Variants in PRKN observed in about 807,000 individuals in gnomAD.
PRKN encodes the protein E3 ubiquitin-protein ligase parkin.
PRKN carries 56 observed loss-of-function variants against 59.5 expected under a neutral mutation model. The observed-to-expected ratio is 0.94, with a 90% CI of 0.76 to 1.18. The LOEUF (loss-of-function observed/expected upper bound fraction) is 1.18, where lower values mean the gene tolerates loss of function less well. Among genes scored for constraint, PRKN ranks in the 50% most tolerant of loss-of-function variants. The pLI is 0.00. For missense variants in PRKN, 657 were observed against 596.4 expected (o/e 1.10, Z -1.06); for synonymous variants, 250 against 222.1 (o/e 1.13, Z -1.12).
intron 4 of PRKN, among the ~76,000 whole-genome samples, chr6:162,098,474 G>A (rs1779836101): frequency 6.6e-6 from 1 of 152,126 alleles, no homozygotes; most frequent in Non-Finnish European, 1.5e-5. Flanking sequence ...TGGAGCCCAG[G>A]AAAAGTCTAA....
At chr6:162,339,537 G>A (rs1462453790) in intron 2 of PRKN, among the ~76,000 whole-genome samples, 8 of 146,130 alleles carry the variant, frequency 5.5e-5, no homozygotes, top group Non-Finnish European at 6.1e-5. Flanking sequence ...CCCCCGCCCG[G>A]CCAGCCGCCC....
intron 2 of PRKN, among the ~76,000 whole-genome samples, chr6:162,337,679 C>T (rs73028952): frequency 0.072 from 10,996 of 152,180 alleles, 959 homozygotes; most frequent in East Asian, 0.46. Flanking sequence ...ATCATCATTC[C>T]TCCTTGGCCC....
chr6:162,421,560 C>A (rs1788968840), intron 2 of PRKN, among the ~76,000 whole-genome samples: 1 of 152,166 alleles, frequency 6.6e-6, no homozygotes, highest in African/African-American at 2.4e-5. Flanking sequence ...CAATATGGCA[C>A]CTTCTCAATG....
At chr6:162,478,778 A>G (rs565821332) in intron 1 of PRKN, among the ~76,000 whole-genome samples, 1 of 152,344 alleles carries the variant, frequency 6.6e-6, no homozygotes, top group African/African-American at 2.4e-5. Flanking sequence ...TGTTTACTGA[A>G]TGCCTTAGGC....
At chr6:162,265,680 C>T (rs918422055) in intron 2 of PRKN, among the ~76,000 whole-genome samples, 15 of 152,198 alleles carry the variant, frequency 9.9e-5, no homozygotes, top group Admixed American at 5.9e-4. Context: ...AGCAAGACTC[C>T]GTTGCAAAAA....
At chr6:162,405,076 C>A (rs960078087) in intron 2 of PRKN, among the ~76,000 whole-genome samples, 1 of 152,126 alleles carries the variant, frequency 6.6e-6, no homozygotes, top group African/African-American at 2.4e-5. Context: ...TCACAATATG[C>A]CCCGCTCAGA....
chr6:162,479,203 T>TAA (rs538985562), intron 1 of PRKN, among the ~76,000 whole-genome samples: 3 of 144,582 alleles, frequency 2.1e-5, no homozygotes, highest in South Asian at 2.2e-4. Context: ...TTTTCCACCT[T>TAA]AAAAAAAAAA....
chr6:162,616,857 A>G (rs949687688), intron 1 of PRKN, among the ~76,000 whole-genome samples: 2 of 152,226 alleles, frequency 1.3e-5, no homozygotes, highest in Admixed American at 6.5e-5. Context: ...TAAGACTTTT[A>G]AATGAAGCTC....
At chr6:162,242,976 T>C (rs1779045391) in intron 3 of PRKN, among the ~76,000 whole-genome samples, 1 of 151,966 alleles carries the variant, frequency 6.6e-6, no homozygotes, top group Admixed American at 6.6e-5. Flanking sequence ...TGTCATGTAA[T>C]GATGCCTATT....
In PRKN at chr6:161,498,154, C is replaced by A. The variant is rs1259460682; in HGVS notation, c.1083+50700G>T. On this transcript the variant is annotated intron_variant, in intron 9 of 11. Coordinates refer to ENST00000366898, the MANE Select transcript of PRKN (RefSeq NM_004562.3). The surrounding 1 kb of genome is among the most constrained non-coding windows in gnomAD (Gnocchi z 4.2). ...GGAAAAAAGACAAATTATTGTTAAT[C>A]AATTTCTAACCTATACTATTCATAA... Among the ~76,000 whole-genome samples the A allele has an allele frequency of 6.6e-6, 1 of 152,150 alleles. No homozygotes were observed. Among genetic ancestry groups the A allele is most frequent in the African/African-American group, 2.4e-5 (1 of 41,428 alleles).
chr6:162,117,249 T>C (rs1325752829), intron 4 of PRKN, among the ~76,000 whole-genome samples: 2 of 152,204 alleles, frequency 1.3e-5, no homozygotes, highest in Admixed American at 6.5e-5. Flanking sequence ...TGGTTTTGCA[T>C]CAGACAATTC....
intron 7 of PRKN, among the ~76,000 whole-genome samples, chr6:161,662,680 C>T (rs1012647028): frequency 1.3e-5 from 2 of 152,130 alleles, no homozygotes; most frequent in African/African-American, 4.8e-5. Context: ...TTGTTTCCTT[C>T]TCTGTAATAT....
rs138816545 is a variant in PRKN, at chr6:162,383,609, A to G, written c.171+59701T>C. The stretch of plus-strand genomic sequence containing the variant: ...TCCTTAAGGGCCCTAGGACTATCAG[A>G]ATGGTAAATGAGCATTAGCTTCAAC... On this transcript the variant is annotated intron_variant, in intron 2 of 11. Coordinates refer to ENST00000366898, the MANE Select transcript of PRKN (RefSeq NM_004562.3). Among the ~76,000 whole-genome samples the G allele has an allele frequency of 1.5e-3, 236 of 152,306 alleles. 1 individual carries two copies. Among genetic ancestry groups the G allele is most frequent in the East Asian group, 0.015 (77 of 5,188 alleles).
rs56722608 is a variant in PRKN, at chr6:162,672,685, A to AGTGTGTGTGTGT, written c.7+54965_7+54976dup. ...TCATTATAGAAAGTTTTGGGGGAAA[A>AGTGTGTGTGTGT]GTGTGTGTGTGTGTGTGTGTGTGTG... On this transcript the variant is annotated intron_variant, in intron 1 of 11. Transcript: ENST00000366898. Among the ~76,000 whole-genome samples the AGTGTGTGTGTGT allele has an allele frequency of 6.7e-3, 1,006 of 149,152 alleles. 8 individuals are homozygous for AGTGTGTGTGTGT. The highest frequency in any genetic ancestry group is 0.014 in the Middle Eastern group (4 of 292).
chr6:161,848,141 G>C (rs751683934), intron 6 of PRKN, among the ~76,000 whole-genome samples: 13 of 152,308 alleles, frequency 8.5e-5, no homozygotes, highest in Middle Eastern at 3.4e-3. Flanking sequence ...TAGCATTTGT[G>C]AAAGTCAAGA....
At chr6:161,494,909 G>A (rs919453224) in intron 9 of PRKN, among the ~76,000 whole-genome samples, 20 of 152,178 alleles carry the variant, frequency 1.3e-4, no homozygotes, top group African/African-American at 3.1e-4. Context: ...CCCTTGCTCC[G>A]CCTTGAACTC....
chr6:161,403,272 T>C (rs898162997), intron 9 of PRKN, among the ~76,000 whole-genome samples: 14 of 152,138 alleles, frequency 9.2e-5, no homozygotes, highest in African/African-American at 3.4e-4. Flanking sequence ...CCTAATATTC[T>C]ATATTTTTAA....
At chr6:161,986,307 A>ACTG (rs1474778462) in intron 5 of PRKN, among the ~76,000 whole-genome samples, 1 of 152,174 alleles carries the variant, frequency 6.6e-6, no homozygotes, top group African/African-American at 2.4e-5. Flanking sequence ...GAGCTATAAC[A>ACTG]CTGCTGCTTC....
chr6:162,468,633 G>A (rs1294035384), intron 1 of PRKN, among the ~76,000 whole-genome samples: 4 of 152,224 alleles, frequency 2.6e-5, no homozygotes, highest in Admixed American at 2.6e-4. Context: ...AGAGTGGTTA[G>A]ATGAAGACAG....
Sources: gnomAD v4.1 joint callset for allele counts (sites outside exome capture counted in the v4.1 genomes callset) on GRCh38, gnomAD v4.1.1 for gene constraint, Gnocchi (gnomAD v3.1) non-coding constraint, MANE v1.5 for transcripts, NCBI Gene and HGNC (gene_info 2026-07-23, HGNC 2026-07-21) for gene names.